The following PLCB1 variants were observed in gnomAD, a reference collection of about 807,000 sequenced individuals.
The protein encoded by PLCB1 is phospholipase C beta 1.
A neutral mutation model predicts 161.8 loss-of-function variants in PLCB1; 46 were observed. That is an observed-to-expected ratio of 0.28 (90% CI 0.22 to 0.36). PLCB1 has a LOEUF of 0.36. Among genes scored for constraint, PLCB1 ranks in the 10% least tolerant of loss-of-function variants. The pLI is 1.00. For missense variants in PLCB1, 1,016 were observed against 1,472.5 expected (o/e 0.69, Z 5.07); for synonymous variants, 517 against 503.7 (o/e 1.03, Z -0.35).
At chr20:8,548,231 C>T (rs113107074) in intron 3 of PLCB1, among the ~76,000 whole-genome samples, 3 of 114,778 alleles carry the variant, frequency 2.6e-5, no homozygotes, top group African/African-American at 6.5e-5. Flanking sequence ...CCTTCCTTCC[C>T]TCCCTCCCCT....
chr20:8,416,212 AG>A (rs1372791372), intron 3 of PLCB1, among the ~76,000 whole-genome samples: 5 of 152,266 alleles, frequency 3.3e-5, no homozygotes, highest in South Asian at 2.1e-4. Context: ...CAAAATAATG[AG>A]AAAACTTGGT....
chr20:8,775,968 AG>A (rs761338336), intron 27 of PLCB1, among the ~76,000 whole-genome samples: 5 of 152,170 alleles, frequency 3.3e-5, no homozygotes, highest in Non-Finnish European at 7.4e-5. Flanking sequence ...ATGGCTGGGC[AG>A]GGGTTGGATC....
rs556551669 is a variant in PLCB1 at position 8,833,381 on chromosome 20, G to GA, written c.3423+43125dup. Among the ~76,000 whole-genome samples, 254 of 152,260 alleles carry GA rather than the reference G, an allele frequency of 1.7e-3. 2 individuals carry two copies. In the South Asian group the frequency reaches 0.022, roughly 13 times the overall value. On this transcript the variant is annotated intron_variant, in intron 31 of 31. Coordinates refer to ENST00000338037, the MANE Select transcript of PLCB1 (RefSeq NM_015192.4). ...ATTCACTATCATGAGAACAGCACAGGAAAAACCCACCTCCATGATTCAGTT... is the reference window on the plus strand; with the variant it reads ...ATTCACTATCATGAGAACAGCACAGGAAAAAACCCACCTCCATGATTCAGTT...
At chr20:8,502,841 T>C (rs1469540275) in intron 3 of PLCB1, among the ~76,000 whole-genome samples, 4 of 152,144 alleles carry the variant, frequency 2.6e-5, no homozygotes, top group Non-Finnish European at 5.9e-5. Context: ...GCAAAATTAG[T>C]TTAATTTTGT....
At chr20:8,811,724 C>T (rs1448520426) in intron 31 of PLCB1, among the ~76,000 whole-genome samples, 1 of 152,210 alleles carries the variant, frequency 6.6e-6, no homozygotes, top group African/African-American at 2.4e-5. Flanking sequence ...ACACAACTTA[C>T]ATCATGATCG....
At chr20:8,667,580 T>A (rs1989844266) in intron 9 of PLCB1, among the ~76,000 whole-genome samples, 2 of 152,198 alleles carry the variant, frequency 1.3e-5, no homozygotes. Flanking sequence ...CTCCTTTATT[T>A]CAGTGACCTC....
intron 3 of PLCB1, among the ~76,000 whole-genome samples, chr20:8,435,604 C>T (rs1980263403): frequency 1.3e-5 from 2 of 152,012 alleles, no homozygotes; most frequent in African/African-American, 4.8e-5. Context: ...ATCCAAGGCC[C>T]CAACAAAAAG....
intron 7 of PLCB1, 74 bp from the exon 8 acceptor site, chr20:8,657,110 A>G: frequency 2.5e-6 from 2 of 814,260 alleles, no homozygotes; most frequent in Non-Finnish European, 4.4e-6. Flanking sequence ...AAAAGAAGAC[A>G]GAGAAAAAAC....
intron 3 of PLCB1, among the ~76,000 whole-genome samples, chr20:8,402,777 G>A (rs528733717): frequency 1.5e-4 from 23 of 151,784 alleles, no homozygotes; most frequent in Non-Finnish European, 2.6e-4. Flanking sequence ...CCTGGGAGGC[G>A]GAGCTTGCAG....
At chr20:8,232,908 A>G (rs1203255815) in intron 2 of PLCB1, among the ~76,000 whole-genome samples, 1 of 152,138 alleles carries the variant, frequency 6.6e-6, no homozygotes, top group South Asian at 2.1e-4. Flanking sequence ...TGGCATTGCA[A>G]TGTGAATCTG....
chr20:8,250,546 T>A (rs1568605399), intron 2 of PLCB1, among the ~76,000 whole-genome samples: 2 of 151,218 alleles, frequency 1.3e-5, no homozygotes, highest in African/African-American at 2.4e-5. Flanking sequence ...CCTTTCCTTT[T>A]AAAAAAAAAT....
intron 3 of PLCB1, among the ~76,000 whole-genome samples, chr20:8,385,911 C>A (rs571539109): frequency 6.6e-6 from 1 of 152,318 alleles, no homozygotes; most frequent in Non-Finnish European, 1.5e-5. Flanking sequence ...TATTATGATT[C>A]TTTTTGATGG....
intron 2 of PLCB1, among the ~76,000 whole-genome samples, chr20:8,222,558 C>G (rs1376120847): frequency 1.3e-5 from 2 of 152,020 alleles, no homozygotes; most frequent in Non-Finnish European, 2.9e-5. Context: ...ACATGAATTT[C>G]TTTGTATTTA....
intron 3 of PLCB1, among the ~76,000 whole-genome samples, chr20:8,546,313 CAAAA>C (rs369485988): frequency 4.9e-5 from 5 of 102,936 alleles, no homozygotes; most frequent in Non-Finnish European, 7.6e-5. Flanking sequence ...GACTCTATCT[CAAAA>C]AAAAAAAAAA....
intron 3 of PLCB1, among the ~76,000 whole-genome samples, chr20:8,505,097 G>A (rs6055867): frequency 1.3e-5 from 2 of 152,098 alleles, no homozygotes; most frequent in East Asian, 1.9e-4. Context: ...CCTGGCCTCA[G>A]CAATCCTCCT....
chr20:8,551,967 A>G (rs35019316), intron 3 of PLCB1, among the ~76,000 whole-genome samples: 43,407 of 152,118 alleles, frequency 0.29, 7,121 homozygotes, highest in Non-Finnish European at 0.37. Context: ...TGTGGTTACA[A>G]TGAGATTTGA....
At chr20:8,394,133 C>T (rs890043825) in intron 3 of PLCB1, among the ~76,000 whole-genome samples, 2 of 152,032 alleles carry the variant, frequency 1.3e-5, no homozygotes, top group African/African-American at 4.8e-5. Context: ...CCCATAGCAC[C>T]TGGAATCTAT....
At chr20:8,718,976 C>A (rs1232350887) in intron 14 of PLCB1, among the ~76,000 whole-genome samples, 2 of 152,106 alleles carry the variant, frequency 1.3e-5, no homozygotes, top group Admixed American at 6.6e-5. Flanking sequence ...CTAGAGGATG[C>A]CTAATATCAT....
Position 8,558,326 on chromosome 20 carries a change from A to T in PLCB1, c.247-69968A>T, listed in dbSNP as rs1986029329. ...ATGTATCCACAAAATAAAGAATTAA[A>T]TAAATAAATATAAATGAATCAACTG... On this transcript the variant is annotated intron_variant, in intron 3 of 31. Coordinates refer to ENST00000338037, the MANE Select transcript of PLCB1 (RefSeq NM_015192.4). Among the ~76,000 whole-genome samples, 3 of 151,936 alleles carry T rather than the reference A, an allele frequency of 2.0e-5. No homozygotes were observed. The South Asian group carries it at 6.2e-4, about 31-fold the overall frequency.
Sources: allele counts gnomAD v4.1 joint callset (sites outside exome capture counted in the v4.1 genomes callset), GRCh38; gene constraint gnomAD v4.1.1; transcripts MANE v1.5; gene names NCBI Gene and HGNC (gene_info 2026-07-23, HGNC 2026-07-21).